ENOX1: variants seen among roughly 807,000 people sequenced by gnomAD.
The protein encoded by ENOX1 is ecto-NOX disulfide-thiol exchanger 1.
Under a neutral mutation model 82.5 loss-of-function variants are expected in ENOX1, and 42 were observed. That is an observed-to-expected ratio of 0.51 (90% confidence interval 0.40 to 0.66). ENOX1 has a LOEUF of 0.66. ENOX1 is among the 30% of genes least tolerant of loss of function. The pLI is 0.00. For synonymous variants in ENOX1, 271 were observed against 282.2 expected (o/e 0.96, Z 0.40); for missense variants, 608 against 811.6 (o/e 0.75, Z 3.05).
At chr13:43,628,914 A>G (rs1480215940) in intron 2 of ENOX1, among the ~76,000 whole-genome samples, 1 of 152,164 alleles carries the variant, frequency 6.6e-6, no homozygotes, top group African/African-American at 2.4e-5. Context: ...TCAGACACTG[A>G]TGTGAGGGTA....
chr13:43,616,028 A>G (rs1327360735), intron 2 of ENOX1, among the ~76,000 whole-genome samples: 1 of 148,486 alleles, frequency 6.7e-6, no homozygotes, highest in Admixed American at 6.8e-5. Context: ...AGCCTTTGCT[A>G]TTGTGAACAG....
chr13:43,217,126 C>T (rs2041531859), intron 16 of ENOX1, among the ~76,000 whole-genome samples: 1 of 152,198 alleles, frequency 6.6e-6, no homozygotes, highest in African/African-American at 2.4e-5. Flanking sequence ...TGCCCACCTC[C>T]ACCAGGGAGA....
At chr13:43,542,420 C>G (rs964991432) in intron 2 of ENOX1, among the ~76,000 whole-genome samples, 6 of 149,528 alleles carry the variant, frequency 4.0e-5, no homozygotes, top group Non-Finnish European at 5.9e-5. Context: ...GCTTAAGCCA[C>G]TGTGCCCGGC....
intron 2 of ENOX1, among the ~76,000 whole-genome samples, chr13:43,528,678 C>G (rs529074267): frequency 1.3e-5 from 2 of 152,028 alleles, no homozygotes; most frequent in African/African-American, 4.8e-5. Flanking sequence ...TTTTGTACCT[C>G]TAAAAGTATT....
chr13:43,683,665 T>G (rs942743450), intron 1 of ENOX1, among the ~76,000 whole-genome samples: 1 of 151,980 alleles, frequency 6.6e-6, no homozygotes, highest in Non-Finnish European at 1.5e-5. Flanking sequence ...AGCAGTCAGG[T>G]CCAAGAAGCC....
At chr13:43,376,951 T>C (rs1415940812) in intron 5 of ENOX1, among the ~76,000 whole-genome samples, 2 of 152,198 alleles carry the variant, frequency 1.3e-5, no homozygotes, top group Non-Finnish European at 2.9e-5. Context: ...CCTGTGACCA[T>C]GCACTCCAGC....
intron 2 of ENOX1, among the ~76,000 whole-genome samples, chr13:43,499,013 A>G (rs943818424): frequency 1.3e-5 from 2 of 152,162 alleles, no homozygotes; most frequent in African/African-American, 4.8e-5. Flanking sequence ...TGTTGATATC[A>G]TGTACCTTTG....
rs139699259 is a variant in ENOX1 at position 43,275,264 on chromosome 13, G to A, written c.1447-5687C>T. On this transcript the variant is annotated intron_variant, in intron 12 of 16. Coordinates refer to ENST00000690772, the MANE Select transcript of ENOX1 (RefSeq NM_001347969.2). ...CTTTAAGAACAACAACCCCTTCCTT[G>A]TCTTTTTTCTTAAATTGTATAATTT... is the stretch of plus-strand genomic sequence containing the variant. Among the ~76,000 whole-genome samples the A allele has an allele frequency of 2.4e-3, 360 of 152,168 alleles. 1 individual carries two copies. Among genetic ancestry groups the A allele is most frequent in the Non-Finnish European group, 4.0e-3 (274 of 67,988 alleles).
chr13:43,439,480 G>A (rs1024748237), intron 3 of ENOX1, among the ~76,000 whole-genome samples: 6 of 152,096 alleles, frequency 3.9e-5, no homozygotes, highest in Non-Finnish European at 7.4e-5. Context: ...GATTACAGGC[G>A]TGAGCCACCG....
At chr13:43,307,404 G>A (rs369915914) in intron 11 of ENOX1, among the ~76,000 whole-genome samples, 2 of 152,190 alleles carry the variant, frequency 1.3e-5, no homozygotes, top group African/African-American at 4.8e-5. Flanking sequence ...GCCCAGGGAT[G>A]TGCCTTTCAG....
intron 14 of ENOX1, among the ~76,000 whole-genome samples, chr13:43,251,085 G>A (rs1457997938): frequency 1.3e-5 from 2 of 151,436 alleles, no homozygotes; most frequent in African/African-American, 4.9e-5. Context: ...TCTTTGATTC[G>A]ATTGCTTATT....
chr13:43,381,861 G>A (rs1248506535), intron 5 of ENOX1, among the ~76,000 whole-genome samples: 1 of 151,968 alleles, frequency 6.6e-6, no homozygotes. Flanking sequence ...AGTAGACTTT[G>A]TAGTTACAAT....
chr13:43,785,543 G>C (rs1952521104), intron 1 of ENOX1, among the ~76,000 whole-genome samples: 1 of 152,050 alleles, frequency 6.6e-6, no homozygotes, highest in South Asian at 2.1e-4. Context: ...AACAAAATTG[G>C]GATTACAAAG....
At chr13:43,711,722 T>C (rs1163834463) in intron 1 of ENOX1, among the ~76,000 whole-genome samples, 2 of 152,194 alleles carry the variant, frequency 1.3e-5, no homozygotes, top group Admixed American at 6.5e-5. Context: ...ATGTCTTCTT[T>C]TGAGAAGTGT....
intron 2 of ENOX1, among the ~76,000 whole-genome samples, chr13:43,582,134 A>C (rs1289679616): frequency 6.6e-6 from 1 of 152,192 alleles, no homozygotes; most frequent in East Asian, 1.9e-4. Flanking sequence ...AAAACTATCA[A>C]TATCTAACAA....
intron 1 of ENOX1, among the ~76,000 whole-genome samples, chr13:43,743,098 G>A (rs185506207): frequency 6.6e-6 from 1 of 152,254 alleles, no homozygotes; most frequent in East Asian, 1.9e-4. Context: ...TTAGGGTCTT[G>A]AACTGAACTC....
At chr13:43,642,600 A>G (rs991019253) in intron 2 of ENOX1, among the ~76,000 whole-genome samples, 2 of 152,208 alleles carry the variant, frequency 1.3e-5, no homozygotes, top group Non-Finnish European at 2.9e-5. Flanking sequence ...AGAAGCACCC[A>G]AGAGATGGCT....
At chr13:43,363,155 G>C (rs1030229248) in intron 5 of ENOX1, among the ~76,000 whole-genome samples, 1 of 152,190 alleles carries the variant, frequency 6.6e-6, no homozygotes, top group African/African-American at 2.4e-5. Flanking sequence ...AGTTTTATAA[G>C]TGACAGAGAT....
At chr13:43,739,203 C>G (rs1344558239) in intron 1 of ENOX1, among the ~76,000 whole-genome samples, 1 of 152,012 alleles carries the variant, frequency 6.6e-6, no homozygotes, top group African/African-American at 2.4e-5. Flanking sequence ...TGAACAATAC[C>G]AGGCCAAAAT....
Sources: gnomAD v4.1 joint callset for allele counts (sites outside exome capture counted in the v4.1 genomes callset) on GRCh38, gnomAD v4.1.1 for gene constraint, MANE v1.5 for transcripts, NCBI Gene and HGNC (gene_info 2026-07-23, HGNC 2026-07-21) for gene names.